The following AGMO variants were observed in gnomAD, a reference collection of about 807,000 sequenced individuals.
The protein encoded by AGMO is glyceryl-ether monooxygenase.
AGMO carries 75 observed loss-of-function variants against 60.2 expected under a neutral mutation model. The ratio of observed to expected loss-of-function variants is 1.25; its 90% CI spans 1.03 to 1.51. AGMO has a LOEUF of 1.51. AGMO is among the 40% of genes most tolerant of loss of function. The probability of loss-of-function intolerance (pLI) is 0.00; values close to 1 mark genes in which losing one functional copy is unlikely to be tolerated. For synonymous variants in AGMO, 261 were observed against 177.1 expected, an observed-to-expected ratio of 1.47 and a Z score of -3.76; for missense variants, 763 against 525.5, an observed-to-expected ratio of 1.45 and a Z score of -4.42.
chr7:15,170,338 T>C, the AGMO span, among the ~76,000 whole-genome samples: 1 of 151,074 alleles, frequency 6.6e-6, no homozygotes, highest in Non-Finnish European at 1.5e-5. Flanking sequence ...AAATGAGATG[T>C]ATAAAAGGAG....
chr7:15,299,113 T>C (rs1334688468), intron 12 of AGMO, among the ~76,000 whole-genome samples: 1 of 152,192 alleles, frequency 6.6e-6, no homozygotes, highest in Non-Finnish European at 1.5e-5. Flanking sequence ...TTCTCATGCA[T>C]CTTTTAAGGT....
intron 12 of AGMO, among the ~76,000 whole-genome samples, chr7:15,253,672 GAAA>G (rs1247603752): frequency 9.2e-5 from 14 of 152,064 alleles, no homozygotes; most frequent in Non-Finnish European, 1.9e-4. Flanking sequence ...TCCATCACCA[GAAA>G]CGTTTATTAT....
At chr7:15,404,874 G>A (rs765508924) in intron 5 of AGMO, among the ~76,000 whole-genome samples, 8 of 151,756 alleles carry the variant, frequency 5.3e-5, no homozygotes, top group East Asian at 1.9e-4. Flanking sequence ...AAGCAAATAC[G>A]AATCTACATT....
intron 12 of AGMO, among the ~76,000 whole-genome samples, chr7:15,242,719 C>T (rs1782628336): frequency 6.6e-6 from 1 of 152,064 alleles, no homozygotes; most frequent in African/African-American, 2.4e-5. Context: ...TTACCACTTT[C>T]CCCACTGCTG....
intron 1 of AGMO, among the ~76,000 whole-genome samples, chr7:15,561,403 G>T (rs1348923389): frequency 1.3e-5 from 2 of 152,158 alleles, no homozygotes; most frequent in Admixed American, 6.6e-5. Context: ...TACTGATGTG[G>T]TGTAACTATT....
chr7:15,341,528 C>T (rs1298870294), intron 12 of AGMO, among the ~76,000 whole-genome samples: 2 of 152,130 alleles, frequency 1.3e-5, no homozygotes, highest in Non-Finnish European at 2.9e-5. Context: ...TAGGAAGTTC[C>T]AAAGTTTCCC....
Position 15,313,846 on chromosome 7 carries a change from TG to T in AGMO, c.1263+51667del, listed in dbSNP as rs1342995871. Among the ~76,000 whole-genome samples the T allele has an allele frequency of 1.7e-4, 26 of 152,188 alleles. No homozygotes were observed. In the South Asian group the frequency reaches 2.7e-3, roughly 16 times the overall value. On this transcript the variant is annotated intron_variant, in intron 12 of 12. Coordinates refer to ENST00000342526, the MANE Select transcript of AGMO (RefSeq NM_001004320.2). ...ACATAGTACAATTATAGCAATGTTC[TG>T]TAATAAAAGTTATGCAGATGGGGTC...
intron 12 of AGMO, among the ~76,000 whole-genome samples, chr7:15,342,805 A>AAAAAC (rs1781906188): frequency 6.9e-6 from 1 of 143,982 alleles, no homozygotes; most frequent in Non-Finnish European, 1.5e-5. Flanking sequence ...AAAAAAAAAA[A>AAAAAC]TTGATCTGAA....
chr7:15,150,500 G>A, the AGMO span, among the ~76,000 whole-genome samples: 2 of 152,130 alleles, frequency 1.3e-5, no homozygotes, highest in Non-Finnish European at 2.9e-5. Flanking sequence ...TTTGTTGAGG[G>A]TTTTTAACAT....
chr7:15,140,278 C>T, the AGMO span, among the ~76,000 whole-genome samples: 1 of 151,978 alleles, frequency 6.6e-6, no homozygotes. Context: ...CACCTTCATC[C>T]ATTACTGTTG....
At chr7:15,352,256 T>C (rs1782268173) in intron 12 of AGMO, among the ~76,000 whole-genome samples, 1 of 152,128 alleles carries the variant, frequency 6.6e-6, no homozygotes, top group Admixed American at 6.5e-5. Context: ...CAAAGGCATA[T>C]AAGATGGCCT....
intron 12 of AGMO, among the ~76,000 whole-genome samples, chr7:15,321,794 A>T (rs73284589): frequency 0.067 from 10,234 of 152,098 alleles, 1,195 homozygotes; most frequent in African/African-American, 0.23. Context: ...TTTAAAAAAT[A>T]TGGCTAGATT....
At chr7:15,351,293 G>T (rs1289930360) in intron 12 of AGMO, among the ~76,000 whole-genome samples, 1 of 151,936 alleles carries the variant, frequency 6.6e-6, no homozygotes, top group Non-Finnish European at 1.5e-5. Context: ...AATCTCCCCG[G>T]CTCACTTCTC....
chr7:15,249,100 T>C lies in AGMO; in HGVS notation c.1264-47741A>G, dbSNP rs1038091301. Among the ~76,000 whole-genome samples, 12 of 152,194 alleles carry C rather than the reference T, an allele frequency of 7.9e-5. No individual in the cohort carries two copies. In the East Asian group the frequency reaches 9.6e-4, roughly 12 times the overall value. ...TAGGATGAGCATTAGGTGCCATGGA[T>C]ACCAAGAAGGTAGAGTTGTTTTCAT... On this transcript the variant is annotated intron_variant, in intron 12 of 12. Coordinates refer to ENST00000342526, the MANE Select transcript of AGMO (RefSeq NM_001004320.2).
chr7:15,213,998 G>A (rs1004712978), intron 12 of AGMO, among the ~76,000 whole-genome samples: 7 of 151,864 alleles, frequency 4.6e-5, no homozygotes, highest in African/African-American at 1.7e-4. Flanking sequence ...GGCCATTAAT[G>A]TATTGTATAT....
At chr7:15,285,834 T>C (rs576973510) in intron 12 of AGMO, among the ~76,000 whole-genome samples, 12 of 152,146 alleles carry the variant, frequency 7.9e-5, no homozygotes, top group African/African-American at 2.9e-4. Flanking sequence ...TACAAAGTCA[T>C]AACTACCAAA....
chr7:15,117,548 T>C, the AGMO span, among the ~76,000 whole-genome samples: 1 of 151,876 alleles, frequency 6.6e-6, no homozygotes, highest in South Asian at 2.1e-4. Flanking sequence ...GGAGTGAGGG[T>C]TGAAAAAAAT....
At chr7:15,332,132 A>C (rs1017779649) in intron 12 of AGMO, among the ~76,000 whole-genome samples, 2 of 152,132 alleles carry the variant, frequency 1.3e-5, no homozygotes, top group African/African-American at 4.8e-5. Context: ...GAAGGCTAAC[A>C]TTGGTCTTTT....
the AGMO span, among the ~76,000 whole-genome samples, chr7:15,149,410 T>C: frequency 6.6e-6 from 1 of 152,150 alleles, no homozygotes; most frequent in Non-Finnish European, 1.5e-5. Flanking sequence ...TCCACAAAAA[T>C]ATTTTCTAGT....
Sources: gnomAD v4.1 joint callset for allele counts (sites outside exome capture counted in the v4.1 genomes callset) on GRCh38, gnomAD v4.1.1 for gene constraint, MANE v1.5 for transcripts, NCBI Gene and HGNC (gene_info 2026-07-23, HGNC 2026-07-21) for gene names.